Variants in CSGALNACT1 observed in about 807,000 individuals in gnomAD.
CSGALNACT1 encodes chondroitin sulfate N-acetylgalactosaminyltransferase 1, also known as beta4GalNAcT-1.
In CSGALNACT1, 52 loss-of-function variants were observed where a neutral mutation model predicts 51.0. The observed-to-expected ratio is 1.02, with a 90% CI of 0.82 to 1.29. The LOEUF is 1.29. Ranked by LOEUF, CSGALNACT1 falls within the 50% of genes most tolerant of loss-of-function variation. The pLI is 0.00. For missense variants in CSGALNACT1, 935 were observed against 679.2 expected, an observed-to-expected ratio of 1.38 and a Z score of -4.19; for synonymous variants, 341 against 254.4, an observed-to-expected ratio of 1.34 and a Z score of -3.24.
At chr8:19,709,184 T>A (rs2062355594) in intron 1 of CSGALNACT1, among the ~76,000 whole-genome samples, 1 of 152,178 alleles carries the variant, frequency 6.6e-6, no homozygotes, top group South Asian at 2.1e-4. Flanking sequence ...AAGAGGTGGG[T>A]ACAGCTATGC....
intron 3 of CSGALNACT1, among the ~76,000 whole-genome samples, chr8:19,506,634 C>T (rs2077385721): frequency 6.6e-6 from 1 of 152,266 alleles, no homozygotes; most frequent in East Asian, 1.9e-4. Flanking sequence ...GGAGTGGATC[C>T]CTCAGGCATA....
chr8:19,580,447 G>C (rs1419895033), intron 3 of CSGALNACT1, among the ~76,000 whole-genome samples: 1 of 152,124 alleles, frequency 6.6e-6, no homozygotes, highest in African/African-American at 2.4e-5. Context: ...ACTCTCAATG[G>C]CTTATACCTT....
At chr8:19,429,986 T>C (rs2059402924) in intron 6 of CSGALNACT1, among the ~76,000 whole-genome samples, 2 of 152,232 alleles carry the variant, frequency 1.3e-5, no homozygotes, top group Admixed American at 1.3e-4. Flanking sequence ...GACCATCTTG[T>C]CCTGCTGTGC....
At chr8:19,579,718 C>T (rs965068489) in intron 3 of CSGALNACT1, among the ~76,000 whole-genome samples, 1 of 152,186 alleles carries the variant, frequency 6.6e-6, no homozygotes, top group African/African-American at 2.4e-5. Flanking sequence ...ATAGCATATA[C>T]CATGATTTTA....
intron 5 of CSGALNACT1, among the ~76,000 whole-genome samples, chr8:19,444,691 T>G (rs2061841417): frequency 6.6e-6 from 1 of 152,198 alleles, no homozygotes; most frequent in African/African-American, 2.4e-5. Context: ...ATGACCGCCT[T>G]CCTGGGGTTG....
chr8:19,556,226 G>T (rs542241060), intron 3 of CSGALNACT1, among the ~76,000 whole-genome samples: 3 of 151,026 alleles, frequency 2.0e-5, no homozygotes, highest in Non-Finnish European at 4.4e-5. Flanking sequence ...AATACAAAAA[G>T]TTAGCTGGGC....
intron 1 of CSGALNACT1, among the ~76,000 whole-genome samples, chr8:19,627,094 A>G (rs989323538): frequency 2.0e-5 from 3 of 152,270 alleles, no homozygotes; most frequent in African/African-American, 7.2e-5. Context: ...CATAAAATGT[A>G]CATCAGTTTT....
chr8:19,432,670 C>A (rs1384878058), intron 6 of CSGALNACT1, among the ~76,000 whole-genome samples: 1 of 151,976 alleles, frequency 6.6e-6, no homozygotes, highest in East Asian at 1.9e-4. Flanking sequence ...TTGAAGTTTG[C>A]CAATTATTTC....
At chr8:19,726,724 C>T (rs2063421375) in intron 1 of CSGALNACT1, among the ~76,000 whole-genome samples, 1 of 152,044 alleles carries the variant, frequency 6.6e-6, no homozygotes, top group Non-Finnish European at 1.5e-5. Flanking sequence ...AAAAAATATA[C>T]TAGAAGACAA....
intron 1 of CSGALNACT1, among the ~76,000 whole-genome samples, chr8:19,639,359 T>G (rs893715359): frequency 8.5e-5 from 13 of 152,340 alleles, no homozygotes; most frequent in African/African-American, 3.1e-4. Context: ...TTGTTGTTTT[T>G]GGATTAATGA....
At chr8:19,618,765 C>G (rs559947858) in intron 1 of CSGALNACT1, among the ~76,000 whole-genome samples, 1 of 152,036 alleles carries the variant, frequency 6.6e-6, no homozygotes, top group Admixed American at 6.6e-5. Flanking sequence ...GGACATGACT[C>G]TCCCAAGGCC....
chr8:19,751,786 C>T (rs2065044696), intron 1 of CSGALNACT1, among the ~76,000 whole-genome samples: 4 of 152,166 alleles, frequency 2.6e-5, no homozygotes, highest in African/African-American at 9.6e-5. Context: ...TCTCTCTCTC[C>T]TGTTGCCATG....
chr8:19,679,402 A>G (rs1366005801), intron 1 of CSGALNACT1, among the ~76,000 whole-genome samples: 1 of 152,098 alleles, frequency 6.6e-6, no homozygotes, highest in East Asian at 1.9e-4. Context: ...GGCTGCAATG[A>G]GCCATGATCA....
chr8:19,549,656 C>T (rs372893148), intron 3 of CSGALNACT1, among the ~76,000 whole-genome samples: 18 of 83,462 alleles, frequency 2.2e-4, no homozygotes, highest in Admixed American at 1.1e-3. Context: ...CAATTTCCTA[C>T]TTTTTTTTTT....
intron 3 of CSGALNACT1, among the ~76,000 whole-genome samples, chr8:19,542,545 T>C (rs1588085920): frequency 6.6e-6 from 1 of 152,122 alleles, no homozygotes. Flanking sequence ...AGGTTCTGAG[T>C]GACACCCTGA....
intron 3 of CSGALNACT1, among the ~76,000 whole-genome samples, chr8:19,543,646 G>C (rs145296147): frequency 1.6e-3 from 251 of 152,316 alleles, no homozygotes; most frequent in African/African-American, 5.7e-3. Context: ...ATGTTTCCCA[G>C]CTGGGGAAGG....
At chr8:19,679,833 T>G (rs551923646) in intron 1 of CSGALNACT1, among the ~76,000 whole-genome samples, 2 of 152,190 alleles carry the variant, frequency 1.3e-5, no homozygotes, top group African/African-American at 4.8e-5. Context: ...TGCGGCTTTA[T>G]AGAAATAACT....
intron 4 of CSGALNACT1, among the ~76,000 whole-genome samples, chr8:19,503,782 T>G (rs796761226): frequency 1.4e-3 from 175 of 127,712 alleles, no homozygotes; most frequent in African/African-American, 5.9e-3. Flanking sequence ...ATGAATGAGT[T>G]TTTTTTTTTT....
At chr8:19,575,505 C>A (rs2043994101) in intron 3 of CSGALNACT1, among the ~76,000 whole-genome samples, 1 of 152,178 alleles carries the variant, frequency 6.6e-6, no homozygotes, top group Non-Finnish European at 1.5e-5. Context: ...AATCGTTAAG[C>A]AGGTAAAACT....
Sources: allele counts gnomAD v4.1 joint callset (sites outside exome capture counted in the v4.1 genomes callset), GRCh38; gene constraint gnomAD v4.1.1; transcripts MANE v1.5; gene names NCBI Gene and HGNC (gene_info 2026-07-23, HGNC 2026-07-21).